Variants in BCAT1 observed in about 807,000 individuals in gnomAD.
The protein encoded by BCAT1 is branched chain amino acid transaminase 1.
In BCAT1, 48 loss-of-function variants were observed where a neutral mutation model predicts 52.4. The observed-to-expected ratio is 0.92, with a 90% CI of 0.73 to 1.16. The LOEUF (loss-of-function observed/expected upper bound fraction) is 1.16. Ranked by LOEUF, BCAT1 falls within the 50% of genes most tolerant of loss-of-function variation. The probability of loss-of-function intolerance (pLI) is 0.00; values close to 1 mark genes in which losing one functional copy is unlikely to be tolerated. For synonymous variants in BCAT1, 167 were observed against 161.3 expected (o/e 1.04, Z -0.27); for missense variants, 451 against 457.1 (o/e 0.99, Z 0.12).
intron 7 of BCAT1, among the ~76,000 whole-genome samples, chr12:24,841,780 G>C (rs1024264222): frequency 3.6e-4 from 54 of 152,032 alleles, no homozygotes; most frequent in African/African-American, 1.2e-3. Flanking sequence ...ATGGTGGCAG[G>C]CTCCTGCAAT....
chr12:24,840,431 T>C (rs1450115312), intron 7 of BCAT1, among the ~76,000 whole-genome samples: 1 of 152,210 alleles, frequency 6.6e-6, no homozygotes, highest in Non-Finnish European at 1.5e-5. Flanking sequence ...ATCTTCCAAG[T>C]GTAGCTTTTG....
intron 3 of BCAT1, among the ~76,000 whole-genome samples, chr12:24,883,545 G>A (rs758854374): frequency 3.9e-5 from 6 of 152,104 alleles, no homozygotes; most frequent in Admixed American, 2.6e-4. Context: ...AAGCTGCAGT[G>A]AGCTATGATT....
intron 1 of BCAT1, among the ~76,000 whole-genome samples, chr12:24,915,290 T>A (rs1027917025): frequency 4.6e-5 from 7 of 152,162 alleles, no homozygotes; most frequent in Non-Finnish European, 5.9e-5. Flanking sequence ...TTCTGTGATA[T>A]ATACAGAAAT....
intron 8 of BCAT1, chr12:24,833,976 A>G (rs904415015): frequency 5.0e-6 from 1 of 198,524 alleles, no homozygotes; most frequent in Non-Finnish European, 9.0e-6. Context: ...GTATGCTGCC[A>G]TGCCCAACTA....
chr12:24,868,339 A>T (rs1183497487), intron 5 of BCAT1, among the ~76,000 whole-genome samples: 3 of 152,228 alleles, frequency 2.0e-5, no homozygotes. Flanking sequence ...TGGAAAAAAA[A>T]ATAGGGGTGT....
At position 24,827,868 on chromosome 12, in the gene BCAT1, G is replaced by C. The variant is rs115455474; in HGVS notation, c.1119+1955C>G. Reference sequence around the variant, plus strand: ...ATTTGGCAGAAAACTTGCTGAGTAAGTCTCTTTTAAAACTGCCTTTTAAAC... The same window carrying C: ...ATTTGGCAGAAAACTTGCTGAGTAACTCTCTTTTAAAACTGCCTTTTAAAC... On this transcript the variant is annotated intron_variant, in intron 10 of 10. Transcript: ENST00000261192. Among the ~76,000 whole-genome samples, 556 of 152,272 alleles carry C rather than the reference G, an allele frequency of 3.7e-3. 3 individuals are homozygous for C. The highest frequency in any genetic ancestry group is 0.013 in the African/African-American group (544 of 41,562).
At chr12:24,871,112 A>G (rs780571845) in intron 5 of BCAT1, among the ~76,000 whole-genome samples, 13 of 150,324 alleles carry the variant, frequency 8.6e-5, no homozygotes, top group Non-Finnish European at 1.6e-4. Context: ...TTCTGATGCC[A>G]GACGACAGTG....
chr12:24,874,737 T>A (rs1942278435), intron 5 of BCAT1, among the ~76,000 whole-genome samples: 1 of 152,152 alleles, frequency 6.6e-6, no homozygotes, highest in African/African-American at 2.4e-5. Context: ...CTCTAGAAAT[T>A]TCGATTTGGG....
intron 1 of BCAT1, among the ~76,000 whole-genome samples, chr12:24,937,716 T>C (rs1266878242): frequency 1.3e-5 from 2 of 152,124 alleles, no homozygotes; most frequent in Non-Finnish European, 2.9e-5. Flanking sequence ...AGGTGACTGA[T>C]GTGATCACTC....
intron 2 of BCAT1, among the ~76,000 whole-genome samples, chr12:24,900,795 A>G (rs1176520363): frequency 6.6e-6 from 1 of 152,106 alleles, no homozygotes; most frequent in Non-Finnish European, 1.5e-5. Context: ...GCTGGGCGTG[A>G]TGGCACATGC....
At chr12:24,877,839 G>A (rs1218776348) in intron 5 of BCAT1, among the ~76,000 whole-genome samples, 1 of 152,158 alleles carries the variant, frequency 6.6e-6, no homozygotes, top group African/African-American at 2.4e-5. Flanking sequence ...GGCTGCTTTA[G>A]TACTAAAATG....
At chr12:24,879,883 A>C (rs1213595812) in intron 4 of BCAT1, among the ~76,000 whole-genome samples, 2 of 152,216 alleles carry the variant, frequency 1.3e-5, no homozygotes, top group Non-Finnish European at 2.9e-5. Flanking sequence ...GTGAAACTAC[A>C]TAACACAGTT....
intron 2 of BCAT1, among the ~76,000 whole-genome samples, chr12:24,900,893 T>G (rs1344206802): frequency 6.6e-6 from 1 of 152,244 alleles, no homozygotes; most frequent in Non-Finnish European, 1.5e-5. Flanking sequence ...ATCGTGCCAC[T>G]GCACTCCAGC....
rs1287699122 is a variant in BCAT1, at chr12:24,814,403, AAATATGC to A, written c.*3598_*3604del. The A allele has an allele frequency of 7.8e-6, 1 of 127,710 alleles. No individual in the cohort carries two copies. The highest frequency in any genetic ancestry group is 1.6e-5 in the Non-Finnish European group (1 of 61,318). 7.9% of individuals were successfully genotyped at this position (127,710 alleles called of 1,614,324 possible). On this transcript the variant is annotated 3_prime_UTR_variant, in exon 11 of 11. Coordinates refer to ENST00000261192, the MANE Select transcript of BCAT1 (RefSeq NM_005504.7). ...TCTTTCCCAATCATAAGGGGAAACC[AAATATGC>A]AACTTGAAAAAAAAAAAGGAAACAG...
chr12:24,869,566 T>G (rs1243979954), intron 5 of BCAT1, among the ~76,000 whole-genome samples: 1 of 152,238 alleles, frequency 6.6e-6, no homozygotes, highest in Non-Finnish European at 1.5e-5. Flanking sequence ...CAGTATCTAC[T>G]AAAGTGAAAT....
chr12:24,860,079 A>C (rs1941812329), intron 5 of BCAT1, among the ~76,000 whole-genome samples: 1 of 152,222 alleles, frequency 6.6e-6, no homozygotes, highest in African/African-American at 2.4e-5. Context: ...TTGTGTCTTT[A>C]ACCACGGCTT....
At chr12:24,896,771 A>G (rs1183897604) in intron 2 of BCAT1, among the ~76,000 whole-genome samples, 9 of 152,206 alleles carry the variant, frequency 5.9e-5, no homozygotes, top group Non-Finnish European at 1.5e-5. Context: ...CATCTCAAAA[A>G]AAAAGAAAGA....
chr12:24,869,164 G>A (rs1942110457), intron 5 of BCAT1, among the ~76,000 whole-genome samples: 1 of 152,182 alleles, frequency 6.6e-6, no homozygotes, highest in East Asian at 1.9e-4. Flanking sequence ...GCAAAGAAAT[G>A]AAGCAAATAC....
intron 1 of BCAT1, among the ~76,000 whole-genome samples, chr12:24,927,124 G>T (rs1943601851): frequency 6.6e-6 from 1 of 152,098 alleles, no homozygotes; most frequent in South Asian, 2.1e-4. Flanking sequence ...CATTTGCTTT[G>T]AGTTAAATTT....
Sources: allele counts gnomAD v4.1 joint callset (sites outside exome capture counted in the v4.1 genomes callset), GRCh38; gene constraint gnomAD v4.1.1; transcripts MANE v1.5; gene names NCBI Gene and HGNC (gene_info 2026-07-23, HGNC 2026-07-21).